The following PLCXD2 variants were observed in gnomAD, a reference collection of about 807,000 sequenced individuals.
PLCXD2 encodes the protein phosphatidylinositol specific phospholipase C X domain containing 2.
A neutral mutation model predicts 28.6 loss-of-function variants in PLCXD2; 21 were observed. The observed-to-expected ratio is 0.73, with a 90% confidence interval of 0.52 to 1.06. The LOEUF (loss-of-function observed/expected upper bound fraction) is 1.06. Among genes scored for constraint, PLCXD2 ranks in the 50% least tolerant of loss-of-function variants. The pLI is 0.00. For missense variants in PLCXD2, 369 were observed against 376.7 expected, an observed-to-expected ratio of 0.98 and a Z score of 0.17; for synonymous variants, 140 against 150.1, an observed-to-expected ratio of 0.93 and a Z score of 0.49.
At chr3:111,709,484 G>GCA (rs937307379) in intron 2 of PLCXD2, among the ~76,000 whole-genome samples, 2 of 128,462 alleles carry the variant, frequency 1.6e-5, no homozygotes, top group East Asian at 2.0e-4. Context: ...ACACACACAC[G>GCA]CACACACACA....
intron 1 of PLCXD2, among the ~76,000 whole-genome samples, chr3:111,692,291 C>T (rs927372357): frequency 8.5e-5 from 13 of 152,240 alleles, no homozygotes; most frequent in Non-Finnish European, 1.6e-4. Context: ...GATCCGCCCG[C>T]CTCGGCCTCC....
At chr3:111,690,049 A>C (rs1262594544) in intron 1 of PLCXD2, among the ~76,000 whole-genome samples, 1 of 152,250 alleles carries the variant, frequency 6.6e-6, no homozygotes, top group African/African-American at 2.4e-5. Flanking sequence ...TACTCCTACT[A>C]TCCCCATTTT....
At chr3:111,680,359 A>T (rs1041429889) in intron 1 of PLCXD2, among the ~76,000 whole-genome samples, 1 of 152,104 alleles carries the variant, frequency 6.6e-6, no homozygotes, top group African/African-American at 2.4e-5. Flanking sequence ...GGATAGTATG[A>T]ACCGTGAGTT....
intron 1 of PLCXD2, among the ~76,000 whole-genome samples, chr3:111,682,979 A>T (rs368033529): frequency 3.9e-4 from 59 of 152,356 alleles, no homozygotes; most frequent in African/African-American, 1.4e-3. Context: ...GTAGTTACTG[A>T]ATGCCCTTTT....
chr3:111,712,672 G>A (rs745974933), intron 2 of PLCXD2, among the ~76,000 whole-genome samples: 3 of 152,312 alleles, frequency 2.0e-5, no homozygotes, highest in Non-Finnish European at 4.4e-5. Context: ...AATGCACACC[G>A]GAAATGAGGC....
At position 111,711,400 on chromosome 3, in the gene PLCXD2, G is replaced by A. The variant is rs561860667; in HGVS notation, c.625-2487G>A. 8.5e-5 allele frequency among the ~76,000 whole-genome samples: 13 copies of A among 152,140 alleles called. No individual in the cohort carries two copies. The East Asian group carries it at 9.7e-4, about 11-fold the overall frequency. ...GCCTGGCTGACCAGAGTGAAACTCCGTCTCAAAAAAATAAATAAATAAAAT... is the reference window on the plus strand; with the variant it reads ...GCCTGGCTGACCAGAGTGAAACTCCATCTCAAAAAAATAAATAAATAAAAT... On this transcript the variant is annotated intron_variant, in intron 2 of 4. Transcript: ENST00000477665.
intron 1 of PLCXD2, among the ~76,000 whole-genome samples, chr3:111,690,304 C>A (rs1384890198): frequency 6.6e-6 from 1 of 152,216 alleles, no homozygotes; most frequent in Non-Finnish European, 1.5e-5. Flanking sequence ...GACTCTAATG[C>A]ATGAGCACCC....
chr3:111,714,165 T>C, intron 3 of PLCXD2, 37 bp downstream of exon 3: 4 of 1,596,086 alleles, frequency 2.5e-6, no homozygotes, highest in Non-Finnish European at 3.4e-6. Context: ...GAAAGCTTTT[T>C]AAAAAATATT....
chr3:111,685,118 G>A (rs1940775556), intron 1 of PLCXD2, among the ~76,000 whole-genome samples: 1 of 150,644 alleles, frequency 6.6e-6, no homozygotes, highest in Admixed American at 6.6e-5. Context: ...GGGACACAGT[G>A]GAGATGGTTT....
At chr3:111,696,335 GT>G (rs1201558683) in intron 1 of PLCXD2, among the ~76,000 whole-genome samples, 2 of 151,962 alleles carry the variant, frequency 1.3e-5, no homozygotes, top group African/African-American at 4.8e-5. Flanking sequence ...TGAGCAAAGG[GT>G]TTTTTTTGGT....
intron 1 of PLCXD2, among the ~76,000 whole-genome samples, chr3:111,686,181 G>A (rs1419975700): frequency 1.3e-5 from 2 of 152,198 alleles, no homozygotes; most frequent in African/African-American, 4.8e-5. Context: ...AAAGTACCCT[G>A]TAAACCTCTG....
At chr3:111,722,295 T>A (rs1186930167) in intron 3 of PLCXD2, 1 of 152,156 alleles carries the variant, frequency 6.6e-6, no homozygotes, top group African/African-American at 2.4e-5. Context: ...CCAGGATAGA[T>A]GCTGCTATGG....
chr3:111,714,938 T>C (rs1559798281), intron 3 of PLCXD2, among the ~76,000 whole-genome samples: 1 of 152,204 alleles, frequency 6.6e-6, no homozygotes, highest in Non-Finnish European at 1.5e-5. Context: ...GCAAAAGATA[T>C]TTACAAGAAT....
intron 1 of PLCXD2, among the ~76,000 whole-genome samples, chr3:111,685,501 G>A (rs1286744604): frequency 6.6e-6 from 1 of 152,108 alleles, no homozygotes; most frequent in Non-Finnish European, 1.5e-5. Context: ...GGACATCTCA[G>A]GTTGCACCAA....
intron 1 of PLCXD2, among the ~76,000 whole-genome samples, chr3:111,704,072 AATAAT>A (rs1291426325): frequency 2.0e-5 from 3 of 152,236 alleles, no homozygotes; most frequent in African/African-American, 7.2e-5. Flanking sequence ...AGAAAATTGA[AATAAT>A]ATAAAATGGT....
At chr3:111,695,283 G>T (rs1175300340) in intron 1 of PLCXD2, among the ~76,000 whole-genome samples, 1 of 151,750 alleles carries the variant, frequency 6.6e-6, no homozygotes, top group Non-Finnish European at 1.5e-5. Context: ...CTTTTTATCT[G>T]CAAGTGGTAT....
chr3:111,715,788 T>C (rs548140781), intron 3 of PLCXD2, among the ~76,000 whole-genome samples: 2 of 152,292 alleles, frequency 1.3e-5, no homozygotes, highest in South Asian at 4.1e-4. Flanking sequence ...CACTGCCCTT[T>C]TCAGCGTTGG....
intron 3 of PLCXD2, among the ~76,000 whole-genome samples, chr3:111,718,907 C>T (rs35320181): frequency 0.04 from 6,022 of 152,218 alleles, 176 homozygotes; most frequent in Middle Eastern, 0.061. Context: ...TTTCATTATT[C>T]CTTTATGTCA....
At chr3:111,712,476 A>T (rs1413823455) in intron 2 of PLCXD2, among the ~76,000 whole-genome samples, 2 of 152,176 alleles carry the variant, frequency 1.3e-5, no homozygotes, top group Non-Finnish European at 2.9e-5. Context: ...TCTGCTTATC[A>T]TGAGCCTGTG....
Sources: allele counts gnomAD v4.1 joint callset (sites outside exome capture counted in the v4.1 genomes callset), GRCh38; gene constraint gnomAD v4.1.1; transcripts MANE v1.5; gene names NCBI Gene and HGNC (gene_info 2026-07-23, HGNC 2026-07-21).